Variants in DAB1 observed in about 807,000 individuals in gnomAD.
DAB1 encodes disabled homolog 1.
DAB1 carries 15 observed loss-of-function variants against 64.6 expected under a neutral mutation model. That is an observed-to-expected ratio of 0.23 (90% CI 0.16 to 0.36). The LOEUF is 0.36. DAB1 is among the 10% of genes least tolerant of loss of function. The pLI is 1.00. For missense variants in DAB1, 596 were observed against 706.7 expected (o/e 0.84, Z 1.78); for synonymous variants, 235 against 251.9 (o/e 0.93, Z 0.64).
intron 7 of DAB1, 74 bp from the exon 8 acceptor site, chr1:57,069,499 A>G (rs1192769505): frequency 7.8e-7 from 1 of 1,280,210 alleles, no homozygotes; most frequent in East Asian, 2.3e-5. Flanking sequence ...TTTGGAAATT[A>G]AGATACAAAT....
chr1:58,541,323 A>C (rs1450832401), intron 1 of DAB1, among the ~76,000 whole-genome samples: 8 of 137,462 alleles, frequency 5.8e-5, no homozygotes, highest in Non-Finnish European at 1.1e-4. Flanking sequence ...AAAAAAAAAA[A>C]AAAAAAAAAA....
intron 4 of DAB1, among the ~76,000 whole-genome samples, chr1:58,209,366 C>T (rs1001601751): frequency 2.0e-5 from 3 of 152,292 alleles, no homozygotes; most frequent in Middle Eastern, 3.4e-3. Flanking sequence ...AGAACTAACA[C>T]TACTGCACTT....
At chr1:57,673,390 C>T (rs1646529942) in intron 6 of DAB1, among the ~76,000 whole-genome samples, 1 of 152,060 alleles carries the variant, frequency 6.6e-6, no homozygotes, top group South Asian at 2.1e-4. Context: ...ATCACCATCA[C>T]CATTGCATAC....
At chr1:57,033,139 G>T (rs937629805) in intron 9 of DAB1, among the ~76,000 whole-genome samples, 1 of 151,254 alleles carries the variant, frequency 6.6e-6, no homozygotes, top group African/African-American at 2.4e-5. Flanking sequence ...AAAAGAAGGG[G>T]TGCTATCTCC....
chr1:57,046,355 A>G (rs1648494545), intron 9 of DAB1, among the ~76,000 whole-genome samples: 1 of 152,210 alleles, frequency 6.6e-6, no homozygotes, highest in Non-Finnish European at 1.5e-5. Flanking sequence ...CAAGTTTTGT[A>G]TCCTTTGGGT....
At chr1:58,539,054 C>G in intron 1 of DAB1, 1 of 872,866 alleles carries the variant, frequency 1.1e-6, no homozygotes, top group Non-Finnish European at 2.0e-6. Flanking sequence ...CTTGAGAGGC[C>G]TCCTGTTCTT....
intron 4 of DAB1, among the ~76,000 whole-genome samples, chr1:57,095,454 T>C (rs144996229): frequency 4.6e-5 from 7 of 152,320 alleles, no homozygotes; most frequent in Admixed American, 2.0e-4. Flanking sequence ...ATATCACCAA[T>C]GATCCACTGC....
rs1302046840 is a variant in DAB1, at chr1:56,996,074, G to A, written c.*2070C>T. 2 of 152,162 alleles carry A rather than the reference G, an allele frequency of 1.3e-5. No individual in the cohort carries two copies. Among genetic ancestry groups the A allele is most frequent in the Non-Finnish European group, 2.9e-5 (2 of 68,048 alleles). The allele number at this position is 152,162 out of a possible 1,614,324, so 9.4% of individuals were successfully genotyped here. ...AAAAAAAATTAGACTCCTGTGACCT[G>A]ATAGTGTAAAATGTGGGCTTTAAAT... On this transcript the variant is annotated 3_prime_UTR_variant, in exon 15 of 15. Coordinates refer to ENST00000371236, the MANE Select transcript of DAB1 (RefSeq NM_001365792.1).
At position 57,392,427 on chromosome 1, in the gene DAB1, A is replaced by C. The variant is rs556948798; in HGVS notation, c.-137+31503T>G. Among the ~76,000 whole-genome samples, 205 of 152,260 alleles carry C rather than the reference A, an allele frequency of 1.3e-3. 1 individual carries two copies. Among genetic ancestry groups the C allele is most frequent in the African/African-American group, 4.9e-3 (202 of 41,566 alleles). On this transcript the variant is annotated intron_variant, in intron 1 of 14. Coordinates refer to ENST00000371236, the MANE Select transcript of DAB1 (RefSeq NM_001365792.1). ...CATATAACGAACACTCCTACTTATT[A>C]GGCTTAGTTTTCTTCCTGCATTCAA...
intron 6 of DAB1, among the ~76,000 whole-genome samples, chr1:57,742,488 C>T (rs749746602): frequency 1.3e-5 from 2 of 152,068 alleles, no homozygotes; most frequent in African/African-American, 2.4e-5. Context: ...GAGCCCCAAA[C>T]CACTCTCTTT....
intron 4 of DAB1, among the ~76,000 whole-genome samples, chr1:58,318,760 G>T (rs115302655): frequency 9.8e-5 from 15 of 152,306 alleles, no homozygotes; most frequent in African/African-American, 3.1e-4. Flanking sequence ...AGGGAATCCA[G>T]ATCTTTACTC....
chr1:58,013,503 TAAC>T (rs1225978398), intron 5 of DAB1, among the ~76,000 whole-genome samples: 2 of 152,304 alleles, frequency 1.3e-5, no homozygotes, highest in South Asian at 2.1e-4. Context: ...CTTTCTTTAA[TAAC>T]AACAACCTTG....
At chr1:57,359,958 G>C (rs2100893199) in intron 1 of DAB1, among the ~76,000 whole-genome samples, 1 of 151,944 alleles carries the variant, frequency 6.6e-6, no homozygotes, top group East Asian at 1.9e-4. Flanking sequence ...GGAAGGATGG[G>C]GCAATATTGG....
chr1:57,428,868 CA>C (rs936460597), upstream of DAB1, among the ~76,000 whole-genome samples: 2 of 147,288 alleles, frequency 1.4e-5, no homozygotes, highest in African/African-American at 2.5e-5. Flanking sequence ...AAACAGCAAC[CA>C]AAAAAACTGT....
intron 7 of DAB1, among the ~76,000 whole-genome samples, chr1:57,566,787 G>T (rs931817142): frequency 1.1e-4 from 17 of 152,234 alleles, no homozygotes; most frequent in Admixed American, 1.1e-3. Flanking sequence ...ATAATTAATA[G>T]CCTACCAACC....
At chr1:57,737,167 C>A (rs571708195) in intron 6 of DAB1, among the ~76,000 whole-genome samples, 1 of 152,144 alleles carries the variant, frequency 6.6e-6, no homozygotes, top group Non-Finnish European at 1.5e-5. Flanking sequence ...ACCACCCAAC[C>A]CACCTTTCTT....
chr1:57,952,481 T>C (rs1645300400), intron 5 of DAB1, among the ~76,000 whole-genome samples: 1 of 152,114 alleles, frequency 6.6e-6, no homozygotes, highest in Admixed American at 6.6e-5. Flanking sequence ...CCTGAGGATG[T>C]AGGTGCAGGT....
Position 58,477,183 on chromosome 1 carries a change from C to A in DAB1, n.257+28877G>T, listed in dbSNP as rs141805439. On this transcript the variant is annotated intron_variant and non_coding_transcript_variant, in intron 3 of 20. Coordinates refer to the DAB1 transcript ENST00000485760. ...CGAGTAAATGATGCCATTTGTCCTT[C>A]CAATCTCATAGGCTGGTTTTGAGGA... Among the ~76,000 whole-genome samples, 824 of 152,210 alleles carry A rather than the reference C, an allele frequency of 5.4e-3. 5 individuals are homozygous for A. The highest frequency in any genetic ancestry group is 0.019 in the African/African-American group (790 of 41,530).
At chr1:58,142,796 G>T (rs1013976282) in intron 5 of DAB1, among the ~76,000 whole-genome samples, 2 of 152,180 alleles carry the variant, frequency 1.3e-5, no homozygotes, top group Non-Finnish European at 1.5e-5. Flanking sequence ...ACCACACTGT[G>T]CATTAATTGC....
Sources: gnomAD v4.1 joint callset for allele counts (sites outside exome capture counted in the v4.1 genomes callset) on GRCh38, gnomAD v4.1.1 for gene constraint, MANE v1.5 for transcripts, NCBI Gene and HGNC (gene_info 2026-07-23, HGNC 2026-07-21) for gene names.